The following TTC23 variants were observed in gnomAD, a reference collection of about 807,000 sequenced individuals.
TTC23 encodes the protein tetratricopeptide repeat domain 23, also known as tetratricopeptide repeat protein 23.
Under a neutral mutation model 55.1 loss-of-function variants are expected in TTC23, and 58 were observed. The observed-to-expected ratio is 1.05, with a 90% confidence interval of 0.85 to 1.31. TTC23 has a LOEUF of 1.31. TTC23 is among the 50% of genes most tolerant of loss of function. The pLI is 0.00. For synonymous variants in TTC23, 203 were observed against 199.9 expected, an observed-to-expected ratio of 1.02 and a Z score of -0.13; for missense variants, 516 against 534.4, an observed-to-expected ratio of 0.97 and a Z score of 0.34.
At chr15:99,200,686 C>T (rs1234796050) in intron 8 of TTC23, among the ~76,000 whole-genome samples, 1 of 152,204 alleles carries the variant, frequency 6.6e-6, no homozygotes, top group Non-Finnish European at 1.5e-5. Context: ...CACACACGCA[C>T]ATACACACAT....
At chr15:99,246,912 A>G (rs2862141) in intron 1 of TTC23, among the ~76,000 whole-genome samples, 13,475 of 152,214 alleles carry the variant, frequency 0.089, 890 homozygotes, top group East Asian at 0.32. Context: ...ACAAAGCGAG[A>G]CCCAGTCTCA....
chr15:99,144,246 G>A (rs1292499569), intron 12 of TTC23, among the ~76,000 whole-genome samples: 1 of 152,188 alleles, frequency 6.6e-6, no homozygotes, highest in African/African-American at 2.4e-5. Context: ...GGTGCCGTCA[G>A]TTAGCCATCC....
At chr15:99,200,972 A>G (rs1247757998) in intron 8 of TTC23, among the ~76,000 whole-genome samples, 4 of 152,240 alleles carry the variant, frequency 2.6e-5, no homozygotes, top group Non-Finnish European at 5.9e-5. Flanking sequence ...GCAGGCTACA[A>G]AATATTCTGT....
chr15:99,195,122 A>AT (rs1253550375), intron 9 of TTC23, among the ~76,000 whole-genome samples: 2 of 152,232 alleles, frequency 1.3e-5, no homozygotes, highest in Admixed American at 6.5e-5. Flanking sequence ...TGCAAAAGAC[A>AT]TTGTCAAGAG....
chr15:99,250,854 C>A (rs1221717534), upstream of TTC23, among the ~76,000 whole-genome samples: 1 of 152,166 alleles, frequency 6.6e-6, no homozygotes, highest in African/African-American at 2.4e-5. Context: ...TTCGTAGTGA[C>A]CCCTTAAATC....
At chr15:99,225,947 G>A (rs1336196597) in intron 5 of TTC23, among the ~76,000 whole-genome samples, 3 of 152,204 alleles carry the variant, frequency 2.0e-5, no homozygotes, top group East Asian at 3.8e-4. Flanking sequence ...ACTAAGGAGC[G>A]CCCCATGTCA....
At chr15:99,141,114 T>C (rs1279954204) in intron 12 of TTC23, 4 of 152,208 alleles carry the variant, frequency 2.6e-5, no homozygotes, top group Non-Finnish European at 5.9e-5. Flanking sequence ...AAGAATTCTT[T>C]TATATATTGA....
At chr15:99,164,821 C>T (rs1003382833) in intron 10 of TTC23, among the ~76,000 whole-genome samples, 2 of 152,254 alleles carry the variant, frequency 1.3e-5, no homozygotes, top group African/African-American at 2.4e-5. Context: ...CTAGAACACA[C>T]GAGGATCAAA....
At chr15:99,240,099 T>C (rs983118076) in intron 3 of TTC23, among the ~76,000 whole-genome samples, 2 of 152,186 alleles carry the variant, frequency 1.3e-5, no homozygotes, top group Non-Finnish European at 2.9e-5. Flanking sequence ...AAAGTGATCA[T>C]ACATTTTTAT....
upstream of TTC23, chr15:99,249,723 T>G (rs1411748150): frequency 6.6e-6 from 1 of 152,210 alleles, no homozygotes; most frequent in Non-Finnish European, 1.5e-5. Flanking sequence ...GGAATTTTCT[T>G]AAAGTGGTAT....
At chr15:99,226,657 G>A (rs1223953) in intron 5 of TTC23, among the ~76,000 whole-genome samples, 5,840 of 152,178 alleles carry the variant, frequency 0.038, 197 homozygotes, top group East Asian at 0.11. Flanking sequence ...CCTTGCTTCA[G>A]ATATGTCCTG....
rs145698895 is a variant in TTC23, at chr15:99,200,023, T to C, written c.655A>G (p.Ser219Gly). 115 of 1,614,146 alleles carry C rather than the reference T, an allele frequency of 7.1e-5. No homozygotes were observed. The African/African-American group carries it at 1.4e-3, about 19-fold the overall frequency. The change falls in exon 9 of 14, where the codon AGT (serine) becomes GGT (glycine). Residue 219 changes from serine (S) to glycine (G), a missense_variant. Ser to Gly is a moderately conservative substitution (Grantham distance 56, BLOSUM62 0). Coordinates refer to ENST00000394132, the MANE Select transcript of TTC23 (RefSeq NM_001288615.3). The stretch of plus-strand genomic sequence containing the variant: ...CACTCACGACTTGTTTCACCTTTAC[T>C]GATCTCAACATATTCCAAAGCTGCT... ...YQAALEYVEI[S>G]KGETSRECVP...
chr15:99,192,799 C>T (rs767984362), intron 9 of TTC23, among the ~76,000 whole-genome samples: 1 of 152,158 alleles, frequency 6.6e-6, no homozygotes, highest in African/African-American at 2.4e-5. Context: ...ACAGTTTGCA[C>T]CGTGTGCCTG....
intron 12 of TTC23, among the ~76,000 whole-genome samples, chr15:99,150,536 G>A (rs1365187531): frequency 6.6e-6 from 1 of 152,208 alleles, no homozygotes; most frequent in African/African-American, 2.4e-5. Context: ...AATTTCTTCT[G>A]ATGAAATTCA....
At chr15:99,138,190 C>T in intron 13 of TTC23, 63 bp from the exon 14 acceptor site, 3 of 1,590,026 alleles carry the variant, frequency 1.9e-6, no homozygotes, top group Non-Finnish European at 1.7e-6. Flanking sequence ...CGTTCCCATC[C>T]AGCCTTTGCT....
intron 12 of TTC23, chr15:99,148,615 C>T (rs2069287758): frequency 6.6e-6 from 1 of 152,070 alleles, no homozygotes; most frequent in African/African-American, 2.4e-5. Flanking sequence ...ATGACTGGAC[C>T]CAAATCCGAC....
At chr15:99,214,621 G>C (rs1186326786) in intron 8 of TTC23, among the ~76,000 whole-genome samples, 1 of 151,744 alleles carries the variant, frequency 6.6e-6, no homozygotes, top group African/African-American at 2.4e-5. Flanking sequence ...AGAGATGGGG[G>C]TCTCCCCATC....
rs564781767 is a variant in TTC23, at chr15:99,231,981, G to A, written c.-21+3007C>T. Among the ~76,000 whole-genome samples the A allele has an allele frequency of 6.0e-5, 9 of 150,764 alleles. No homozygotes were observed. The South Asian group carries it at 1.1e-3, about 18-fold the overall frequency. Reference sequence around the variant, plus strand: ...CTAATTTTGTATTTTTAGTAGAGACGGGGTTTCTCCATGTTGGTCAGGCTG... The same window carrying A: ...CTAATTTTGTATTTTTAGTAGAGACAGGGTTTCTCCATGTTGGTCAGGCTG... On this transcript the variant is annotated intron_variant, in intron 4 of 13. Coordinates refer to ENST00000394132, the MANE Select transcript of TTC23 (RefSeq NM_001288615.3).
intron 3 of TTC23, among the ~76,000 whole-genome samples, chr15:99,238,929 A>T (rs991704715): frequency 1.3e-5 from 2 of 152,140 alleles, no homozygotes; most frequent in Admixed American, 6.5e-5. Context: ...GCACCTATTA[A>T]ATCTTATGGA....
Sources: gnomAD v4.1 joint callset for allele counts (sites outside exome capture counted in the v4.1 genomes callset) on GRCh38, gnomAD v4.1.1 for gene constraint, MANE v1.5 for transcripts, NCBI Gene and HGNC (gene_info 2026-07-23, HGNC 2026-07-21) for gene names.